KLF8: variants seen among roughly 807,000 people sequenced by gnomAD.
The protein encoded by KLF8 is KLF transcription factor 8.
Under a neutral mutation model 18.2 loss-of-function variants are expected in KLF8, and 10 were observed. The ratio of observed to expected loss-of-function variants is 0.55; its 90% CI spans 0.34 to 0.93. KLF8 has a LOEUF of 0.93. Ranked by LOEUF, KLF8 falls within the 40% of genes least tolerant of loss-of-function variation. The pLI is 0.02. For missense variants in KLF8, 264 were observed against 277.9 expected, an observed-to-expected ratio of 0.95 and a Z score of 0.36; for synonymous variants, 109 against 97.3, an observed-to-expected ratio of 1.12 and a Z score of -0.71.
the KLF8 span, among the ~76,000 whole-genome samples, chrX:56,073,231 A>C: frequency 9.0e-6 from 1 of 110,732 alleles, no homozygotes; most frequent in Middle Eastern, 4.7e-3. Flanking sequence ...TCGTGATCCG[A>C]CCGCCTCAGC....
At chrX:56,137,174 A>C in the KLF8 span, among the ~76,000 whole-genome samples, 5 of 109,800 alleles carry the variant, frequency 4.6e-5, no homozygotes, top group Non-Finnish European at 9.5e-5. Flanking sequence ...AAACTAGTTC[A>C]ACCATTGTGG....
the KLF8 span, among the ~76,000 whole-genome samples, chrX:55,923,705 CGTGTGT>C: frequency 0.021 from 2,024 of 98,278 alleles, 51 homozygotes; most frequent in African/African-American, 0.07. Context: ...TAAAGATCCA[CGTGTGT>C]GTGTGTGTGT....
the KLF8 span, among the ~76,000 whole-genome samples, chrX:56,099,267 ATTTG>A: frequency 2.9e-4 from 32 of 111,374 alleles, no homozygotes; most frequent in Non-Finnish European, 9.4e-5. Context: ...TATTATTTTA[ATTTG>A]TTTGGGGCAC....
At chrX:56,104,531 A>G in the KLF8 span, among the ~76,000 whole-genome samples, 1 of 111,631 alleles carries the variant, frequency 9.0e-6, no homozygotes, top group Non-Finnish European at 1.9e-5. Context: ...CTCTGATGGT[A>G]CTTTGTATTT....
chrX:56,122,830 C>G, the KLF8 span, among the ~76,000 whole-genome samples: 6 of 110,798 alleles, frequency 5.4e-5, no homozygotes, highest in African/African-American at 2.0e-4. Flanking sequence ...CTCAAGTGAT[C>G]CTCCTGCCGA....
At chrX:56,061,884 C>G in the KLF8 span, among the ~76,000 whole-genome samples, 2 of 109,539 alleles carry the variant, frequency 1.8e-5, no homozygotes, top group African/African-American at 6.8e-5. Flanking sequence ...GTTACCTCTT[C>G]TTGTTGCATT....
Position 56,268,859 on chromosome X carries a change from G to A in KLF8, c.647-519G>A, listed in dbSNP as rs758851642. On this transcript the variant is annotated intron_variant, in intron 3 of 5. Transcript: ENST00000468660. ...TAGGTGGAAAGGAAGGTTGTATCAAGCACCTACTAGGTGGTAGGTATACGT... is the reference window on the plus strand; with the variant it reads ...TAGGTGGAAAGGAAGGTTGTATCAAACACCTACTAGGTGGTAGGTATACGT... 426 of 870,258 alleles carry A rather than the reference G, an allele frequency of 4.9e-4. 1 individual carries two copies. In the South Asian group the frequency reaches 0.012, roughly 25 times the overall value. The allele number at this position is 870,258 out of a possible 1,213,427, so 71.7% of individuals were successfully genotyped here.
At chrX:56,155,767 G>T in the KLF8 span, among the ~76,000 whole-genome samples, 1 of 111,201 alleles carries the variant, frequency 9.0e-6, no homozygotes, top group Non-Finnish European at 1.9e-5. Flanking sequence ...CACCCTGATA[G>T]TGAACACAGT....
At chrX:55,970,223 C>T in the KLF8 span, among the ~76,000 whole-genome samples, 2 of 110,836 alleles carry the variant, frequency 1.8e-5, no homozygotes, top group African/African-American at 6.5e-5. Flanking sequence ...AAAGATCATT[C>T]ATCATGATTA....
At chrX:56,074,824 G>T in the KLF8 span, 1 of 112,864 alleles carries the variant, frequency 8.9e-6, no homozygotes, top group Non-Finnish European at 1.9e-5. Context: ...CTGCAAAACA[G>T]TTGGAATTTT....
At chrX:56,167,343 C>T in the KLF8 span, among the ~76,000 whole-genome samples, 2 of 111,443 alleles carry the variant, frequency 1.8e-5, no homozygotes, top group Non-Finnish European at 3.8e-5. Flanking sequence ...GTTGGCCAGA[C>T]GGTCTCAAAC....
the KLF8 span, among the ~76,000 whole-genome samples, chrX:55,947,708 A>T: frequency 9.0e-6 from 1 of 111,499 alleles, no homozygotes; most frequent in African/African-American, 3.3e-5. Context: ...TTTTTCTTTG[A>T]GTTTTGTGCC....
At chrX:56,073,169 A>G in the KLF8 span, among the ~76,000 whole-genome samples, 1 of 110,026 alleles carries the variant, frequency 9.1e-6, no homozygotes, top group African/African-American at 3.3e-5. Context: ...TGGTATTTTT[A>G]GTAGAGTCAG....
the KLF8 span, among the ~76,000 whole-genome samples, chrX:56,022,622 T>C: frequency 9.3e-6 from 1 of 107,056 alleles, no homozygotes; most frequent in Non-Finnish European, 1.9e-5. Flanking sequence ...GAGCTTTTTA[T>C]CATTTTAATT....
At chrX:56,140,392 A>T in the KLF8 span, among the ~76,000 whole-genome samples, 1 of 112,077 alleles carries the variant, frequency 8.9e-6, no homozygotes, top group Admixed American at 9.5e-5. Context: ...TAAAGAAAAC[A>T]TGATACGTAT....
the KLF8 span, among the ~76,000 whole-genome samples, chrX:56,057,827 C>T: frequency 9.1e-6 from 1 of 110,295 alleles, no homozygotes; most frequent in South Asian, 3.9e-4. Flanking sequence ...TGCTGCTGCA[C>T]GAAACTCTCT....
chrX:55,974,722 T>C, the KLF8 span, among the ~76,000 whole-genome samples: 5 of 112,674 alleles, frequency 4.4e-5, no homozygotes, highest in Non-Finnish European at 9.4e-5. Flanking sequence ...TAAGACATAC[T>C]TGGCTTCTGC....
upstream of KLF8, among the ~76,000 whole-genome samples, chrX:56,229,408 T>C (rs1439327761): frequency 8.9e-6 from 1 of 111,911 alleles, no homozygotes; most frequent in Non-Finnish European, 1.9e-5. Flanking sequence ...TGGAAGGAGT[T>C]GAAAATATCG....
At chrX:56,230,560 A>C (rs1201683683), upstream of KLF8, among the ~76,000 whole-genome samples, 1 of 111,460 alleles carries the variant, frequency 9.0e-6, no homozygotes, top group East Asian at 2.8e-4. Context: ...TACTACAGGG[A>C]CATTCTTTTA....
Sources: allele counts gnomAD v4.1 joint callset (sites outside exome capture counted in the v4.1 genomes callset), GRCh38; gene constraint gnomAD v4.1.1; transcripts MANE v1.5; gene names NCBI Gene and HGNC (gene_info 2026-07-23, HGNC 2026-07-21).